ANKRD54: variants seen among roughly 807,000 people sequenced by gnomAD.
ANKRD54 encodes the protein ankyrin repeat domain-containing protein 54.
Under a neutral mutation model 36.2 loss-of-function variants are expected in ANKRD54, and 26 were observed. The observed-to-expected ratio is 0.72, with a 90% CI of 0.53 to 1.00. The LOEUF is 1.00. Among genes scored for constraint, ANKRD54 ranks in the 50% least tolerant of loss-of-function variants. The pLI is 0.00. For synonymous variants in ANKRD54, 209 were observed against 188.4 expected, an observed-to-expected ratio of 1.11 and a Z score of -0.89; for missense variants, 384 against 424.3, an observed-to-expected ratio of 0.91 and a Z score of 0.83.
At chr22:37,832,888 T>G in intron 6 of ANKRD54, 70 bp downstream of exon 6, 1 of 1,606,010 alleles carries the variant, frequency 6.2e-7, no homozygotes, top group East Asian at 2.2e-5. Context: ...GGCAGGTGTG[T>G]CTGTGGTTAG....
chr22:37,844,272 C>T lies in ANKRD54; in HGVS notation c.-34G>A, dbSNP rs542258250. On this transcript the variant is annotated 5_prime_UTR_variant, in exon 1 of 8. Transcript: ENST00000215941. ...CTCCGCGCGGGCCTGGCCGCCTGAG[C>T]CTCGTTCCCGACCGACCAACGGACC... 5.8e-6 allele frequency: 9 copies of T among 1,542,160 alleles called. No homozygotes were observed. Among genetic ancestry groups the T allele is most frequent in the African/African-American group, 4.3e-5 (3 of 69,956 alleles).
At position 37,838,588 on chromosome 22, in the gene ANKRD54, C is replaced by A; in HGVS notation, c.387G>T (p.Leu129=). The A allele has an allele frequency of 6.2e-7, 1 of 1,609,536 alleles. No homozygotes were observed. The change falls in exon 3 of 8, where the codon CTG becomes CTT. Residue 129 remains leucine, a synonymous_variant. Transcript: ENST00000215941. The stretch of plus-strand genomic sequence containing the variant: ...CACAGGGATCCGCGCCATCTTCCAG[C>A]AGCTGCTGCACTGACACCACCAAGA... ...NANDVETVQQ[L]LEDGADPCAA...
Position 37,831,795 on chromosome 22 carries a change from C to T in ANKRD54, c.*148G>A. On this transcript the variant is annotated 3_prime_UTR_variant, in exon 8 of 8. Transcript: ENST00000215941. ...TGGCTCTGAGGCCGTGGAGAGAGAG[C>T]ATCTCTGCCCCACGGCATCTGCGGG... 3 of 718,308 alleles carry T rather than the reference C, an allele frequency of 4.2e-6. No homozygotes were observed. Among genetic ancestry groups the T allele is most frequent in the Non-Finnish European group, 6.8e-6 (3 of 440,006 alleles). 44.5% of individuals were successfully genotyped at this position (718,308 alleles called of 1,614,324 possible). A position where few individuals can be genotyped will look rare whatever the true frequency, so the allele number is the denominator to read the frequency against.
At chr22:37,836,727 A>G (rs1234270092) in intron 3 of ANKRD54, among the ~76,000 whole-genome samples, 3 of 151,310 alleles carry the variant, frequency 2.0e-5, no homozygotes, top group Non-Finnish European at 4.4e-5. Context: ...CCCAGAACTT[A>G]AAGTTTAAAA....
upstream of ANKRD54, among the ~76,000 whole-genome samples, chr22:37,847,272 C>T (rs936892028): frequency 6.6e-6 from 1 of 151,884 alleles, no homozygotes; most frequent in Non-Finnish European, 1.5e-5. Context: ...AAGTGATTCT[C>T]CTGCCTCAGC....
intron 3 of ANKRD54, among the ~76,000 whole-genome samples, chr22:37,834,901 A>C (rs892629489): frequency 5.9e-5 from 9 of 151,286 alleles, no homozygotes; most frequent in Non-Finnish European, 1.0e-4. Flanking sequence ...TGTACTAAAA[A>C]CACAAAAATT....
At chr22:37,843,814 G>T in intron 1 of ANKRD54, 97 bp downstream of exon 1, 1 of 938,444 alleles carries the variant, frequency 1.1e-6, no homozygotes, top group Non-Finnish European at 1.4e-6. Flanking sequence ...CCGGCTGAGG[G>T]TCGGGGGCGA....
chr22:37,847,546 T>C, upstream of ANKRD54: 1 of 380,806 alleles, frequency 2.6e-6, no homozygotes, highest in South Asian at 2.1e-5. Context: ...AAGGGCAGTC[T>C]GAAGATTAAA....
intron 1 of ANKRD54, among the ~76,000 whole-genome samples, chr22:37,841,109 T>C (rs1405999966): frequency 7.0e-6 from 1 of 142,608 alleles, no homozygotes; most frequent in East Asian, 2.1e-4. Flanking sequence ...AAAGCCACAA[T>C]GGCTGGGCGC....
chr22:37,838,590 G>C lies in ANKRD54; in HGVS notation c.385C>G (p.Leu129Val), dbSNP rs142208298. 2.7e-5 allele frequency: 43 copies of C among 1,609,284 alleles called. No individual in the cohort carries two copies. Among genetic ancestry groups the C allele is most frequent in the Non-Finnish European group, 3.6e-5 (43 of 1,178,750 alleles). ...NANDVETVQQ[L>V]LEDGADPCAA... ...CAGGGATCCGCGCCATCTTCCAGCA[G>C]CTGCTGCACTGACACCACCAAGACA... is the stretch of plus-strand genomic sequence containing the variant. The change falls in exon 3 of 8, where the codon CTG becomes GTG. Residue 129 changes from leucine (L) to valine (V), a missense_variant. Physicochemically the swap from Leu to Val is conservative, Grantham distance 32 (BLOSUM62 1). Coordinates refer to ENST00000215941, the MANE Select transcript of ANKRD54 (RefSeq NM_138797.4).
intron 3 of ANKRD54, chr22:37,834,727 A>AG (rs1923316980): frequency 1.3e-5 from 2 of 149,762 alleles, no homozygotes; most frequent in African/African-American, 2.5e-5. Context: ...AAAAAAAAAA[A>AG]AGAGAAAGGA....
At chr22:37,846,208 A>C (rs899824820), upstream of ANKRD54, among the ~76,000 whole-genome samples, 1 of 152,176 alleles carries the variant, frequency 6.6e-6, no homozygotes, top group African/African-American at 2.4e-5. Context: ...TTCTCTTACA[A>C]TTGGAAAAGC....
intron 4 of ANKRD54, 70 bp from the exon 5 acceptor site, chr22:37,833,276 G>GA: frequency 2.5e-6 from 4 of 1,578,782 alleles, no homozygotes; most frequent in Non-Finnish European, 3.5e-6. Context: ...CCACTGGAGG[G>GA]AGCAGGGCTG....
upstream of ANKRD54, among the ~76,000 whole-genome samples, chr22:37,846,665 G>A (rs1433223487): frequency 6.6e-6 from 1 of 151,864 alleles, no homozygotes. Context: ...GAGCTCCTGA[G>A]CTCAAGTGAT....
intron 7 of ANKRD54, 121 bp downstream of exon 7, chr22:37,832,516 C>T: frequency 2.3e-6 from 2 of 861,034 alleles, no homozygotes; most frequent in East Asian, 5.1e-5. Context: ...GTGTGAGCCC[C>T]TGCGGCTGGC....
chr22:37,832,834 C>T, intron 6 of ANKRD54, 90 bp from the exon 7 acceptor site: 1 of 1,602,414 alleles, frequency 6.2e-7, no homozygotes, highest in South Asian at 1.1e-5. Flanking sequence ...GAGCAGGTGC[C>T]AACTGGGGTC....
chr22:37,845,276 T>G (rs1924769219), upstream of ANKRD54, among the ~76,000 whole-genome samples: 1 of 152,194 alleles, frequency 6.6e-6, no homozygotes. Flanking sequence ...TGCTAGGTCC[T>G]GGACACAGGA....
chr22:37,834,644 G>C (rs1923294148), intron 3 of ANKRD54: 2 of 120,146 alleles, frequency 1.7e-5, no homozygotes, highest in African/African-American at 6.3e-5. Context: ...GTTGCAGTCA[G>C]CCGAGATGGT....
intron 1 of ANKRD54, among the ~76,000 whole-genome samples, chr22:37,840,585 C>A (rs112758091): frequency 0.035 from 5,090 of 144,766 alleles, 298 homozygotes; most frequent in African/African-American, 0.12. Context: ...CAAACACACA[C>A]AAAAAAAACA....
Sources: allele counts gnomAD v4.1 joint callset (sites outside exome capture counted in the v4.1 genomes callset), GRCh38; gene constraint gnomAD v4.1.1; transcripts MANE v1.5; gene names NCBI Gene and HGNC (gene_info 2026-07-23, HGNC 2026-07-21).